NMRAL1: variants seen among roughly 807,000 people sequenced by gnomAD.
NMRAL1 encodes the protein NmrA like redox sensor 1, also known as nmrA-like family domain-containing protein 1.
In NMRAL1, 32 loss-of-function variants were observed where a neutral mutation model predicts 27.5. That is an observed-to-expected ratio of 1.16 (90% confidence interval 0.88 to 1.56). NMRAL1 has a LOEUF of 1.56. Ranked by LOEUF, NMRAL1 falls within the 40% of genes most tolerant of loss-of-function variation. NMRAL1 has a pLI of 0.00. For synonymous variants in NMRAL1, 166 were observed against 166.8 expected (o/e 1.00, Z 0.04); for missense variants, 420 against 392.0 (o/e 1.07, Z -0.60).
chr16:4,469,266 A>G lies in NMRAL1; in HGVS notation c.240T>C (p.Asn80=). The change falls in exon 3 of 6, where the codon AAT becomes AAC. Residue 80 remains asparagine (N), a synonymous_variant. Coordinates refer to ENST00000283429, the MANE Select transcript of NMRAL1 (RefSeq NM_020677.6). ...GCTCCTGGCTGCAGCTCTCCCAGTA[A>G]TTGGTCACGATGAAGGTGGCGTAAG... is the stretch of plus-strand genomic sequence containing the variant. ...NGAYATFIVT[N]YWESCSQEQE... is the part of the protein sequence containing the mutation. The G allele has an allele frequency of 6.2e-7, 1 of 1,614,032 alleles. No homozygotes were observed. Among genetic ancestry groups the G allele is most frequent in the East Asian group, 2.2e-5 (1 of 44,864 alleles).
upstream of NMRAL1, chr16:4,474,851 T>C (rs1010630962): frequency 2.6e-5 from 4 of 152,264 alleles, no homozygotes; most frequent in African/African-American, 9.6e-5. Flanking sequence ...TTTTCAGGTA[T>C]TGGGCGTCAG....
intron 4 of NMRAL1, among the ~76,000 whole-genome samples, chr16:4,465,799 TC>T (rs1193694506): frequency 1.3e-5 from 2 of 152,300 alleles, no homozygotes; most frequent in East Asian, 3.9e-4. Context: ...CGCCTCAGCC[TC>T]CCAAAGTGCT....
At position 4,464,797 on chromosome 16, in the gene NMRAL1, G is replaced by A. The variant is rs542840334; in HGVS notation, c.530-947C>T. Among the ~76,000 whole-genome samples the A allele has an allele frequency of 5.3e-5, 8 of 151,114 alleles. No individual in the cohort carries two copies. In the East Asian group the frequency reaches 1.6e-3, roughly 30 times the overall value. ...ACCCGGCTAAGTTTTTGTATTTTTA[G>A]TAGAGACAGGGGTTTCACCAAGTTA... On this transcript the variant is annotated intron_variant, in intron 4 of 5. Coordinates refer to ENST00000283429, the MANE Select transcript of NMRAL1 (RefSeq NM_020677.6).
chr16:4,468,984 A>C (rs1315681642), intron 3 of NMRAL1, among the ~76,000 whole-genome samples: 1 of 151,838 alleles, frequency 6.6e-6, no homozygotes, highest in African/African-American at 2.4e-5. Flanking sequence ...AAAAAAAAAA[A>C]AAACAAACGA....
At chr16:4,472,700 C>T (rs1445841861) in intron 2 of NMRAL1, among the ~76,000 whole-genome samples, 9 of 148,446 alleles carry the variant, frequency 6.1e-5, no homozygotes, top group Admixed American at 1.4e-4. Flanking sequence ...GCAGAGATCA[C>T]GCCACTGCAC....
At position 4,469,413 on chromosome 16, in the gene NMRAL1, C is replaced by A. The variant is rs2057463202; in HGVS notation, c.93G>T (p.Lys31Asn). 3 of 1,614,136 alleles carry A rather than the reference C, an allele frequency of 1.9e-6. No individual in the cohort carries two copies. In the East Asian group the frequency reaches 6.7e-5, roughly 36 times the overall value. ...ARTLLEDGTFKVRVVTRNPRK... is the reference protein window; with the variant it reads ...ARTLLEDGTFNVRVVTRNPRK... ...TAGGGTTTCGGGTCACCACTCGAAC[C>A]TTGAATGTCCCATCTTCCAGGAGTG... Residue 31 changes from lysine to asparagine, a missense_variant, in exon 3 of 6, where the codon AAG (lysine) becomes AAT (asparagine). Transcript: ENST00000283429.
chr16:4,464,221 C>T (rs2057227488), intron 4 of NMRAL1: 1 of 278,968 alleles, frequency 3.6e-6, no homozygotes, highest in Non-Finnish European at 6.6e-6. Context: ...GGCTGGAGCC[C>T]AGGGTCTCCG....
At chr16:4,465,550 TTTTTGTTTTGTTTTG>T (rs540508724) in intron 4 of NMRAL1, among the ~76,000 whole-genome samples, 1 of 152,126 alleles carries the variant, frequency 6.6e-6, no homozygotes, top group African/African-American at 2.4e-5. Context: ...GTCTTTGGTT[TTTTTGTTTTGTTTTG>T]TTTTGTTTTG....
intron 5 of NMRAL1, among the ~76,000 whole-genome samples, chr16:4,462,435 C>G (rs1392738843): frequency 6.6e-6 from 1 of 151,988 alleles, no homozygotes; most frequent in Non-Finnish European, 1.5e-5. Context: ...CTGAGATCAC[C>G]CCACTGTACT....
intron 3 of NMRAL1, chr16:4,466,994 A>C (rs1220826431): frequency 6.5e-6 from 1 of 154,534 alleles, no homozygotes; most frequent in African/African-American, 2.4e-5. Flanking sequence ...CCTTATTCGG[A>C]AAAAGGGTCT....
chr16:4,463,462 A>T, intron 5 of NMRAL1, 198 bp downstream of exon 5: 1 of 560,190 alleles, frequency 1.8e-6, no homozygotes, highest in Non-Finnish European at 3.1e-6. Context: ...TTTTCTCTCT[A>T]TTTGGTCAAA....
chr16:4,470,901 C>T (rs1190745796), intron 2 of NMRAL1, among the ~76,000 whole-genome samples: 1 of 150,436 alleles, frequency 6.6e-6, no homozygotes, highest in Admixed American at 6.7e-5. Flanking sequence ...GAGCCGAGAT[C>T]GCGCCACTGC....
chr16:4,472,257 C>T lies in NMRAL1; in HGVS notation c.40+1836G>A, dbSNP rs572647788. On this transcript the variant is annotated intron_variant, in intron 2 of 5. Transcript: ENST00000283429. ...AGGAGTTCGAGACCAGCCTGACCAA[C>T]ATGGTGAAACCCCGTCTCTACTAAA... is the stretch of plus-strand genomic sequence containing the variant. Among the ~76,000 whole-genome samples the T allele has an allele frequency of 1.1e-4, 16 of 152,162 alleles. No homozygotes were observed. In the East Asian group the frequency reaches 2.1e-3, roughly 20 times the overall value.
intron 2 of NMRAL1, among the ~76,000 whole-genome samples, chr16:4,472,545 G>A (rs1046643382): frequency 6.6e-6 from 1 of 152,100 alleles, no homozygotes; most frequent in African/African-American, 2.4e-5. Flanking sequence ...AGGAGTTTGA[G>A]ACCAGCCTGG....
At chr16:4,476,169 C>T (rs1205801496), upstream of NMRAL1, 1 of 152,256 alleles carries the variant, frequency 6.6e-6, no homozygotes, top group Admixed American at 6.5e-5. Flanking sequence ...AGTGCTCAAC[C>T]CTGAGGCACC....
chr16:4,463,917 T>C, intron 4 of NMRAL1, 67 bp from the exon 5 acceptor site: 1 of 1,359,844 alleles, frequency 7.4e-7, no homozygotes, highest in Middle Eastern at 1.8e-4. Flanking sequence ...AGAGCCCCTC[T>C]CCAAAGGGTC....
chr16:4,464,065 T>C, intron 4 of NMRAL1: 1 of 546,628 alleles, frequency 1.8e-6, no homozygotes, highest in Non-Finnish European at 3.2e-6. Flanking sequence ...TACTGCCACC[T>C]AGGGCAGGCT....
chr16:4,475,085 G>T (rs2057779706), upstream of NMRAL1, among the ~76,000 whole-genome samples: 1 of 151,862 alleles, frequency 6.6e-6, no homozygotes, highest in Non-Finnish European at 1.5e-5. Context: ...CCGAGTAGCT[G>T]GGATTACAAG....
chr16:4,475,160 C>G (rs2057782439), upstream of NMRAL1, among the ~76,000 whole-genome samples: 1 of 151,600 alleles, frequency 6.6e-6, no homozygotes, highest in African/African-American at 2.4e-5. Flanking sequence ...ACCAGGTTGA[C>G]CAGGCAGGTC....
Sources: gnomAD v4.1 joint callset for allele counts (sites outside exome capture counted in the v4.1 genomes callset) on GRCh38, gnomAD v4.1.1 for gene constraint, MANE v1.5 for transcripts, NCBI Gene and HGNC (gene_info 2026-07-23, HGNC 2026-07-21) for gene names.